The following HSCB variants were observed in gnomAD, a reference collection of about 807,000 sequenced individuals.
HSCB encodes iron-sulfur cluster co-chaperone protein HscB.
HSCB carries 23 observed loss-of-function variants against 31.3 expected under a neutral mutation model. The ratio of observed to expected loss-of-function variants is 0.74; its 90% confidence interval spans 0.53 to 1.04. The LOEUF is 1.04. Ranked by LOEUF, HSCB falls within the 50% of genes least tolerant of loss-of-function variation. The probability of loss-of-function intolerance (pLI) is 0.00; values close to 1 mark genes in which losing one functional copy is unlikely to be tolerated. For missense variants in HSCB, 297 were observed against 288.1 expected, an observed-to-expected ratio of 1.03 and a Z score of -0.22; for synonymous variants, 110 against 104.5, an observed-to-expected ratio of 1.05 and a Z score of -0.32.
intron 3 of HSCB, 36 bp from the exon 4 acceptor site, chr22:28,745,828 T>G (rs1455216024): frequency 3.8e-6 from 6 of 1,570,666 alleles, no homozygotes; most frequent in Non-Finnish European, 4.3e-6. Flanking sequence ...GCCCATAGCT[T>G]CTTCAACTTA....
rs17885768 is a variant in HSCB, at chr22:28,742,589, TA to T, written c.236+259del. 2,038 of 302,724 alleles carry T rather than the reference TA, an allele frequency of 6.7e-3. 47 individuals carry two copies. Among genetic ancestry groups the T allele is most frequent in the African/African-American group, 0.053 (1,888 of 35,840 alleles). 18.8% of individuals were successfully genotyped at this position (302,724 alleles called of 1,614,324 possible). On this transcript the variant is annotated intron_variant, in intron 1 of 5. Transcript: ENST00000216027. ...GGGCGGGCGCTGAAGTTAGAGGAAA[TA>T]GGGGGGCCGAGGCTAGAGGGGAGGG...
intron 3 of HSCB, 21 bp from the exon 4 acceptor site, chr22:28,745,843 T>C: frequency 6.3e-7 from 1 of 1,585,532 alleles, no homozygotes; most frequent in East Asian, 2.2e-5. Context: ...AACTTATTTT[T>C]CTTGCTTTCT....
chr22:28,753,766 A>G (rs1040680558), intron 5 of HSCB, among the ~76,000 whole-genome samples: 30 of 151,662 alleles, frequency 2.0e-4, no homozygotes, highest in Admixed American at 2.0e-3. Flanking sequence ...TGAACCTGGG[A>G]GGTGGAGCTT....
At position 28,743,839 on chromosome 22, in the gene HSCB, T is replaced by A. The variant is rs1043373025; in HGVS notation, c.237-43T>A. ...ACCAGGCTCATGGTAGATAAACCTT[T>A]AAATATTTGTTGTATAAATTTAATC... On this transcript the variant is annotated intron_variant, in intron 1 of 5. Coordinates refer to ENST00000216027, the MANE Select transcript of HSCB (RefSeq NM_172002.5). 9.9e-6 allele frequency: 15 copies of A among 1,509,712 alleles called. 1 individual carries two copies. Among genetic ancestry groups the A allele is most frequent in the South Asian group, 5.6e-5 (5 of 89,008 alleles). 93.5% of individuals were successfully genotyped at this position (1,509,712 alleles called of 1,614,324 possible). A position where few individuals can be genotyped will look rare whatever the true frequency, so the allele number is the denominator to read the frequency against.
At position 28,757,427 on chromosome 22, in the gene HSCB, G is replaced by T. The variant is rs1179331102; in HGVS notation, c.*258G>T. ...TTAAACCCGTGAGGTGGAGGTTGCA[G>T]TGAGCAGAGATCACGCAACTGCACT... On this transcript the variant is annotated 3_prime_UTR_variant, in exon 6 of 6. Transcript: ENST00000216027. 9.0e-6 allele frequency: 3 copies of T among 334,894 alleles called. No homozygotes were observed. Among genetic ancestry groups the T allele is most frequent in the African/African-American group, 6.5e-5 (3 of 46,076 alleles). 20.7% of individuals were successfully genotyped at this position (334,894 alleles called of 1,614,324 possible). A position where few individuals can be genotyped will look rare whatever the true frequency, so the allele number is the denominator to read the frequency against.
Position 28,744,721 on chromosome 22 carries a change from A to G in HSCB, c.423+17A>G. Reference sequence around the variant, plus strand: ...CTGTACCTTGTAAGGTGATTTCCCAACACTTCTGTGTATGACGTCCTGATG... The same window carrying G: ...CTGTACCTTGTAAGGTGATTTCCCAGCACTTCTGTGTATGACGTCCTGATG... On this transcript the variant is annotated intron_variant, in intron 3 of 5. Transcript: ENST00000216027. 1 of 1,588,808 alleles carries G rather than the reference A, an allele frequency of 6.3e-7. No individual in the cohort carries two copies. Among genetic ancestry groups the G allele is most frequent in the Non-Finnish European group, 8.6e-7 (1 of 1,156,888 alleles).
Position 28,750,945 on chromosome 22 carries a change from CTTTTTTTT to C in HSCB, c.569-279_569-272del, listed in dbSNP as rs758451182. On this transcript the variant is annotated intron_variant, in intron 4 of 5. Transcript: ENST00000216027. ...GGAGATAATCAAAGTATATCTTTGT[CTTTTTTTT>C]TTTTTTTTTTTTTTTTACTGATTCT... Among the ~76,000 whole-genome samples the C allele has an allele frequency of 7.1e-5, 4 of 56,452 alleles. 1 individual carries two copies. The highest frequency in any genetic ancestry group is 1.0e-3 in the East Asian group (1 of 980). 37.0% of individuals were successfully genotyped at this position (56,452 alleles called of 152,430 possible).
At chr22:28,743,548 G>A (rs1311729497) in intron 1 of HSCB, among the ~76,000 whole-genome samples, 1 of 152,138 alleles carries the variant, frequency 6.6e-6, no homozygotes, top group Non-Finnish European at 1.5e-5. Context: ...ACATGTATGA[G>A]GGGCTACAGT....
At chr22:28,755,806 G>A (rs2087587948) in intron 5 of HSCB, among the ~76,000 whole-genome samples, 1 of 152,124 alleles carries the variant, frequency 6.6e-6, no homozygotes, top group South Asian at 2.1e-4. Flanking sequence ...TCGTTTGGGG[G>A]AGCTGTCCTG....
Position 28,742,083 on chromosome 22 carries a change from G to A in HSCB, c.-13G>A, listed in dbSNP as rs374654169. 9.4e-5 allele frequency: 150 copies of A among 1,601,028 alleles called. No homozygotes were observed. In the African/African-American group the frequency reaches 1.8e-3, roughly 19 times the overall value. On this transcript the variant is annotated 5_prime_UTR_variant, in exon 1 of 6. Transcript: ENST00000216027. ...CCCCACGAGTGACCACGGCTAGATA[G>A]GCCGCCGGCCAGATGTGGCGGGGGA... is the stretch of plus-strand genomic sequence containing the variant.
At chr22:28,743,815 C>T in intron 1 of HSCB, 67 bp from the exon 2 acceptor site, 1 of 1,363,316 alleles carries the variant, frequency 7.3e-7, no homozygotes, top group Non-Finnish European at 1.0e-6. Flanking sequence ...AGAGCAAGAA[C>T]CAGGCTCATG....
chr22:28,756,596 G>A (rs1421107423), intron 5 of HSCB, among the ~76,000 whole-genome samples: 7 of 151,536 alleles, frequency 4.6e-5, no homozygotes, highest in African/African-American at 1.7e-4. Flanking sequence ...AGCCTCCCGA[G>A]TGGCCAGGAC....
rs1211899672 is a variant in HSCB, at chr22:28,742,256, A to T, written c.161A>T (p.Asp54Val). 3 of 1,613,852 alleles carry T rather than the reference A, an allele frequency of 1.9e-6. No homozygotes were observed. In the African/African-American group the frequency reaches 4.0e-5, roughly 22 times the overall value. ...GGCCCATGGGGCCCCGGGCGGGAGGACAGGTTCTTCTGCCCACAGTGCCGA... is the reference window on the plus strand; with the variant it reads ...GGCCCATGGGGCCCCGGGCGGGAGGTCAGGTTCTTCTGCCCACAGTGCCGA... ...CGGPWGPGRE[D>V]RFFCPQCRAL... The change falls in exon 1 of 6, where the codon GAC becomes GTC. Residue 54 changes from aspartate (D) to valine (V), a missense_variant. Physicochemically the swap from Asp to Val is radical, Grantham distance 152. Transcript: ENST00000216027.
intron 4 of HSCB, among the ~76,000 whole-genome samples, chr22:28,747,589 CAA>C (rs1190685267): frequency 2.6e-5 from 4 of 152,284 alleles, no homozygotes; most frequent in African/African-American, 9.6e-5. Flanking sequence ...AGGTGTGACT[CAA>C]TGTGCCTGGC....
At chr22:28,750,403 A>G (rs1307441841) in intron 4 of HSCB, among the ~76,000 whole-genome samples, 1 of 152,108 alleles carries the variant, frequency 6.6e-6, no homozygotes, top group Non-Finnish European at 1.5e-5. Flanking sequence ...GTTCAAGGGC[A>G]TAGAGCTAGT....
chr22:28,749,949 C>T (rs1020778788), intron 4 of HSCB, among the ~76,000 whole-genome samples: 7 of 151,848 alleles, frequency 4.6e-5, no homozygotes, highest in African/African-American at 1.2e-4. Context: ...AGATAAAGCA[C>T]GTAAAAGCAT....
At chr22:28,753,041 T>C (rs886341006) in intron 5 of HSCB, among the ~76,000 whole-genome samples, 2 of 151,508 alleles carry the variant, frequency 1.3e-5, no homozygotes, top group African/African-American at 2.4e-5. Flanking sequence ...ATCACGCCAA[T>C]GCACTCCAAC....
intron 5 of HSCB, among the ~76,000 whole-genome samples, chr22:28,751,712 C>T (rs1033244544): frequency 2.7e-5 from 4 of 149,718 alleles, no homozygotes; most frequent in South Asian, 2.1e-4. Context: ...TGCCACTGCA[C>T]GCCAGCCTGA....
At chr22:28,743,327 G>T (rs546137367) in intron 1 of HSCB, among the ~76,000 whole-genome samples, 1 of 152,246 alleles carries the variant, frequency 6.6e-6, no homozygotes, top group Admixed American at 6.5e-5. Context: ...CAGAGATCTA[G>T]GATGATCAAA....
Sources: gnomAD v4.1 joint callset for allele counts (sites outside exome capture counted in the v4.1 genomes callset) on GRCh38, gnomAD v4.1.1 for gene constraint, MANE v1.5 for transcripts, NCBI Gene and HGNC (gene_info 2026-07-23, HGNC 2026-07-21) for gene names.